Variants in KIAA1217 observed in about 807,000 individuals in gnomAD.
KIAA1217 encodes KIAA1217.
KIAA1217 carries 88 observed loss-of-function variants against 163.9 expected under a neutral mutation model. That is an observed-to-expected ratio of 0.54 (90% CI 0.45 to 0.64). KIAA1217 has a LOEUF of 0.64. KIAA1217 is among the 30% of genes least tolerant of loss of function. KIAA1217 has a pLI of 0.00. For synonymous variants in KIAA1217, 903 were observed against 923.1 expected, an observed-to-expected ratio of 0.98 and a Z score of 0.39; for missense variants, 2,372 against 2,475.0, an observed-to-expected ratio of 0.96 and a Z score of 0.88.
At chr10:23,922,150 A>G (rs914409337) in intron 1 of KIAA1217, among the ~76,000 whole-genome samples, 5 of 152,150 alleles carry the variant, frequency 3.3e-5, no homozygotes, top group Non-Finnish European at 1.5e-5. Context: ...AATTTAATCA[A>G]TCATGCCTGC....
At chr10:24,399,584 C>T (rs1324942850) in intron 3 of KIAA1217, among the ~76,000 whole-genome samples, 6 of 152,178 alleles carry the variant, frequency 3.9e-5, no homozygotes, top group African/African-American at 1.4e-4. Context: ...AATGGCCACT[C>T]TGTGTTGCAC....
chr10:24,328,053 A>C (rs1590999518), intron 2 of KIAA1217, among the ~76,000 whole-genome samples: 3 of 152,266 alleles, frequency 2.0e-5, no homozygotes. Flanking sequence ...TGAACTACTC[A>C]GCAGTGAAAC....
At chr10:24,349,557 C>T (rs941111310) in intron 2 of KIAA1217, among the ~76,000 whole-genome samples, 1 of 152,226 alleles carries the variant, frequency 6.6e-6, no homozygotes, top group Non-Finnish European at 1.5e-5. Context: ...ACATCTAGGA[C>T]AGCCTGTTTC....
At chr10:24,209,886 A>G (rs2067846999) in intron 1 of KIAA1217, among the ~76,000 whole-genome samples, 1 of 152,094 alleles carries the variant, frequency 6.6e-6, no homozygotes, top group African/African-American at 2.4e-5. Flanking sequence ...TTTCCCTTTA[A>G]TTGTGTTTAT....
Position 23,790,728 on chromosome 10 carries a change from T to C in KIAA1217, c.-321+95494T>C, listed in dbSNP as rs185671005. 2.5e-4 allele frequency among the ~76,000 whole-genome samples: 38 copies of C among 149,542 alleles called. 3 individuals are homozygous for C. The highest frequency in any genetic ancestry group is 9.4e-4 in the African/African-American group (38 of 40,604). On this transcript the variant is annotated intron_variant, in intron 1 of 18. Transcript: ENST00000376462. ...ACATATATATATGTATGTATGTATGTATGTATGTATGTATGTAAAATCTGA... is the reference window on the plus strand; with the variant it reads ...ACATATATATATGTATGTATGTATGCATGTATGTATGTATGTAAAATCTGA...
In KIAA1217 at chr10:24,188,168, G is replaced by A. The variant is rs748965187; in HGVS notation, c.-170-31458G>A. ...GCCGAGAACCCACCACTGCACTCCA[G>A]CCCTGGTGACAGAGCAAAAAAAAAG... On this transcript the variant is annotated intron_variant, in intron 2 of 18. Transcript: ENST00000376462. 7.9e-4 allele frequency among the ~76,000 whole-genome samples: 120 copies of A among 152,156 alleles called. 1 individual carries two copies. The highest frequency in any genetic ancestry group is 1.3e-3 in the Non-Finnish European group (91 of 68,040).
intron 2 of KIAA1217, among the ~76,000 whole-genome samples, chr10:24,243,471 A>C (rs1343986397): frequency 6.6e-6 from 1 of 150,608 alleles, no homozygotes; most frequent in Non-Finnish European, 1.5e-5. Context: ...CTTTATGTTC[A>C]TATATACCAA....
At chr10:24,346,935 C>G (rs2047863979) in intron 2 of KIAA1217, among the ~76,000 whole-genome samples, 1 of 152,166 alleles carries the variant, frequency 6.6e-6, no homozygotes, top group South Asian at 2.1e-4. Flanking sequence ...GATGATGTCT[C>G]AACAAAGCCA....
chr10:24,457,144 C>G (rs1030285033), intron 5 of KIAA1217, among the ~76,000 whole-genome samples: 3 of 152,138 alleles, frequency 2.0e-5, no homozygotes, highest in Non-Finnish European at 4.4e-5. Context: ...CACTTATCTT[C>G]TGTCCTCTCT....
At chr10:24,196,137 AC>A (rs1682959584) in intron 2 of KIAA1217, among the ~76,000 whole-genome samples, 2 of 3,622 alleles carry the variant, frequency 5.5e-4, no homozygotes, top group Non-Finnish European at 1.7e-3. Context: ...CTGTCTCAAA[AC>A]ACACACACAC....
intron 2 of KIAA1217, among the ~76,000 whole-genome samples, chr10:24,011,106 A>G (rs1847218936): frequency 6.6e-6 from 1 of 152,152 alleles, no homozygotes; most frequent in South Asian, 2.1e-4. Flanking sequence ...CAGGTAGGGA[A>G]GAATACCAGA....
chr10:23,732,871 C>A (rs1838554183), intron 1 of KIAA1217, among the ~76,000 whole-genome samples: 1 of 152,082 alleles, frequency 6.6e-6, no homozygotes, highest in Non-Finnish European at 1.5e-5. Flanking sequence ...TAACATTGCT[C>A]TTTTTTTCTT....
At chr10:23,715,770 T>C (rs548596629) in intron 1 of KIAA1217, among the ~76,000 whole-genome samples, 6 of 152,302 alleles carry the variant, frequency 3.9e-5, no homozygotes, top group African/African-American at 1.4e-4. Context: ...ATTACCCATA[T>C]TTTAAAAATT....
chr10:24,005,508 A>G (rs535878348), intron 1 of KIAA1217, among the ~76,000 whole-genome samples: 2 of 152,212 alleles, frequency 1.3e-5, no homozygotes, highest in Admixed American at 1.3e-4. Flanking sequence ...AAGTGGAAGG[A>G]TCCCAGACTT....
intron 1 of KIAA1217, among the ~76,000 whole-genome samples, chr10:23,946,020 A>G (rs1443004795): frequency 3.3e-5 from 5 of 152,200 alleles, no homozygotes; most frequent in Admixed American, 3.3e-4. Flanking sequence ...CAATAGTATT[A>G]GGCTGGTGAA....
At chr10:23,846,263 T>C (rs1231849741) in intron 1 of KIAA1217, among the ~76,000 whole-genome samples, 2 of 152,074 alleles carry the variant, frequency 1.3e-5, no homozygotes. Context: ...TTCCAATTCC[T>C]TGAAGGAAGT....
At chr10:23,763,323 G>T (rs930337832) in intron 1 of KIAA1217, among the ~76,000 whole-genome samples, 11 of 152,112 alleles carry the variant, frequency 7.2e-5, no homozygotes, top group African/African-American at 2.7e-4. Flanking sequence ...TAAGCAAAAA[G>T]AACAAAGCTA....
intron 2 of KIAA1217, among the ~76,000 whole-genome samples, chr10:24,089,937 A>T (rs1475031510): frequency 1.3e-5 from 2 of 151,830 alleles, no homozygotes; most frequent in East Asian, 3.9e-4. Context: ...AGTTAGAAAA[A>T]ACTACTTTAA....
chr10:23,704,172 GTA>G (rs35533445), intron 1 of KIAA1217, among the ~76,000 whole-genome samples: 6,787 of 39,566 alleles, frequency 0.17, 433 homozygotes, highest in Middle Eastern at 0.24. Flanking sequence ...GTGTGTGTGT[GTA>G]TATATATATA....
Sources: allele counts gnomAD v4.1 joint callset (sites outside exome capture counted in the v4.1 genomes callset), GRCh38; gene constraint gnomAD v4.1.1; transcripts MANE v1.5; gene names NCBI Gene and HGNC (gene_info 2026-07-23, HGNC 2026-07-21).